The following SLAMF1 variants were observed in gnomAD, a reference collection of about 807,000 sequenced individuals.
SLAMF1 encodes signaling lymphocytic activation molecule.
A neutral mutation model predicts 35.1 loss-of-function variants in SLAMF1; 18 were observed. The observed-to-expected ratio is 0.51, with a 90% CI of 0.35 to 0.76. The LOEUF (loss-of-function observed/expected upper bound fraction) is 0.76. SLAMF1 is among the 30% of genes least tolerant of loss of function. SLAMF1 has a pLI of 0.01. For missense variants in SLAMF1, 392 were observed against 413.0 expected (o/e 0.95, Z 0.44); for synonymous variants, 168 against 157.2 (o/e 1.07, Z -0.51).
chr1:160,641,289 GAAT>G (rs922625099), intron 1 of SLAMF1, among the ~76,000 whole-genome samples: 2 of 151,878 alleles, frequency 1.3e-5, no homozygotes, highest in African/African-American at 4.8e-5. Context: ...GAGAAAAAAA[GAAT>G]AAAAAATCCC....
intron 5 of SLAMF1, among the ~76,000 whole-genome samples, chr1:160,617,659 A>G (rs1659378566): frequency 6.6e-6 from 1 of 152,238 alleles, no homozygotes; most frequent in Non-Finnish European, 1.5e-5. Context: ...AAGTCAGGAT[A>G]GTGGTTATCT....
chr1:160,635,292 T>A (rs1660380331), intron 2 of SLAMF1, among the ~76,000 whole-genome samples: 1 of 152,148 alleles, frequency 6.6e-6, no homozygotes, highest in Non-Finnish European at 1.5e-5. Context: ...TTTTTAGTGG[T>A]GGGATTTCAT....
At chr1:160,622,923 A>T (rs2102296796) in intron 4 of SLAMF1, among the ~76,000 whole-genome samples, 1 of 152,350 alleles carries the variant, frequency 6.6e-6, no homozygotes, top group South Asian at 2.1e-4. Context: ...AGGTTTTATG[A>T]AAGGTGCAGC....
Position 160,619,656 on chromosome 1 carries a change from T to C in SLAMF1, c.864+120A>G, listed in dbSNP as rs2102284295. ...TAGGAGAACTCTTGTTCTTGACTCC[T>C]GTTCCCTACCTTCCTCTGCTCTGGA... is the stretch of plus-strand genomic sequence containing the variant. On this transcript the variant is annotated intron_variant, in intron 5 of 6. Transcript: ENST00000302035. 1.1e-5 allele frequency: 8 copies of C among 741,762 alleles called. No individual in the cohort carries two copies. The South Asian group carries it at 1.2e-4, about 11-fold the overall frequency. 45.9% of individuals were successfully genotyped at this position (741,762 alleles called of 1,614,324 possible).
rs1469131854 is a variant in SLAMF1, at chr1:160,610,534, C to A, written c.*214G>T. The A allele has an allele frequency of 1.7e-6, 1 of 584,478 alleles. No homozygotes were observed. The highest frequency in any genetic ancestry group is 2.8e-5 in the Admixed American group (1 of 35,630). The allele number at this position is 584,478 out of a possible 1,614,324, so 36.2% of individuals were successfully genotyped here. On this transcript the variant is annotated 3_prime_UTR_variant, in exon 7 of 7. Coordinates refer to ENST00000302035, the MANE Select transcript of SLAMF1 (RefSeq NM_003037.5). Reference sequence around the variant, plus strand: ...CAAGTAACGCTCTGTTCTGCGCCTGCAGCCACTGCACAGCAAGCTAAATTC... The same window carrying A: ...CAAGTAACGCTCTGTTCTGCGCCTGAAGCCACTGCACAGCAAGCTAAATTC...
At chr1:160,630,858 G>C (rs991554403) in intron 3 of SLAMF1, among the ~76,000 whole-genome samples, 3 of 152,054 alleles carry the variant, frequency 2.0e-5, no homozygotes, top group African/African-American at 7.3e-5. Flanking sequence ...TCCTCCCTCT[G>C]CCTGGAATGT....
rs1660361437 is a variant in SLAMF1, at chr1:160,634,998, C to T, written c.416-101G>A. The T allele has an allele frequency of 4.0e-6, 4 of 1,012,094 alleles. No homozygotes were observed. In the Admixed American group the frequency reaches 7.4e-5, roughly 19 times the overall value. The allele number at this position is 1,012,094 out of a possible 1,614,324, so 62.7% of individuals were successfully genotyped here. A position where few individuals can be genotyped will look rare whatever the true frequency, so the allele number is the denominator to read the frequency against. On this transcript the variant is annotated intron_variant, in intron 2 of 6. Coordinates refer to ENST00000302035, the MANE Select transcript of SLAMF1 (RefSeq NM_003037.5). The stretch of plus-strand genomic sequence containing the variant: ...CAAAGTACAGCCTAATGGCATTTTC[C>T]CTCCCCCTCAATGTGATTTATTTCT...
chr1:160,647,024 G>A lies in SLAMF1; in HGVS notation c.-79C>T. ...GATGCCAGGCAGAAGCAAGCTTCGT[G>A]TCATGCAGCAGAGGCTGTCTGATTT... On this transcript the variant is annotated 5_prime_UTR_variant, in exon 1 of 7. Transcript: ENST00000302035. 1.3e-6 allele frequency: 1 copy of A among 759,586 alleles called. No individual in the cohort carries two copies. The highest frequency in any genetic ancestry group is 2.4e-6 in the Non-Finnish European group (1 of 423,520). 47.1% of individuals were successfully genotyped at this position (759,586 alleles called of 1,614,324 possible). A position where few individuals can be genotyped will look rare whatever the true frequency, so the allele number is the denominator to read the frequency against.
chr1:160,646,408 T>G (rs1331740556), intron 1 of SLAMF1, among the ~76,000 whole-genome samples: 1 of 152,244 alleles, frequency 6.6e-6, no homozygotes, highest in East Asian at 1.9e-4. Flanking sequence ...CAATGCTTTC[T>G]GTTGACCCAT....
chr1:160,646,934 C>T lies in SLAMF1; in HGVS notation c.12G>A (p.Lys4=). ...GCACGAAGGTCAAGGAGAGGAGCCC[C>T]TTGGGATCCATCAGCCAATGAGGAG... MDP[K]GLLSLTFVLF... Residue 4 remains lysine, a synonymous_variant, in exon 1 of 7, where the codon AAG becomes AAA. Coordinates refer to ENST00000302035, the MANE Select transcript of SLAMF1 (RefSeq NM_003037.5). The T allele has an allele frequency of 6.2e-7, 1 of 1,600,560 alleles. No homozygotes were observed.
Position 160,644,908 on chromosome 1 carries a change from TAAA to T in SLAMF1, c.76+1959_76+1961del, listed in dbSNP as rs756550032. 1.3e-5 allele frequency among the ~76,000 whole-genome samples: 2 copies of T among 151,788 alleles called. 1 individual carries two copies. The highest frequency in any genetic ancestry group is 4.2e-4 in the South Asian group (2 of 4,802). On this transcript the variant is annotated intron_variant, in intron 1 of 6. Coordinates refer to ENST00000302035, the MANE Select transcript of SLAMF1 (RefSeq NM_003037.5). ...GGTGCAGAGGAACTGCATGGAGGAA[TAAA>T]AAAAACTCATTGACATAAGGTCATC...
Position 160,639,441 on chromosome 1 carries a change from G to A in SLAMF1, c.77-1912C>T, listed in dbSNP as rs143122116. ...GGGGTTTCACCATGTTGGCCAGGCT[G>A]GTTTCGAACTCCTGACCTCAAGTGA... is the stretch of plus-strand genomic sequence containing the variant. On this transcript the variant is annotated intron_variant, in intron 1 of 6. Coordinates refer to ENST00000302035, the MANE Select transcript of SLAMF1 (RefSeq NM_003037.5). Among the ~76,000 whole-genome samples, 527 of 152,186 alleles carry A rather than the reference G, an allele frequency of 3.5e-3. 9 individuals are homozygous for A. In the East Asian group the frequency reaches 0.043, roughly 12 times the overall value.
intron 1 of SLAMF1, among the ~76,000 whole-genome samples, chr1:160,644,483 C>A (rs990251878): frequency 2.0e-5 from 3 of 152,186 alleles, no homozygotes; most frequent in African/African-American, 7.2e-5. Context: ...GGCAAGTATG[C>A]AGTATATACC....
At chr1:160,621,108 A>G (rs1659587790) in intron 4 of SLAMF1, among the ~76,000 whole-genome samples, 1 of 152,218 alleles carries the variant, frequency 6.6e-6, no homozygotes, top group Non-Finnish European at 1.5e-5. Context: ...TATCCTTTGT[A>G]TACATCATGC....
chr1:160,646,942 C>A lies in SLAMF1; in HGVS notation c.4G>T (p.Asp2Tyr). 6.3e-7 allele frequency: 1 copy of A among 1,591,614 alleles called. No individual in the cohort carries two copies. The highest frequency in any genetic ancestry group is 2.2e-5 in the East Asian group (1 of 44,686). Residue 2 changes from aspartate to tyrosine, a missense_variant, in exon 1 of 7, where the codon GAT (aspartate) becomes TAT (tyrosine). Transcript: ENST00000302035. ...GTCAAGGAGAGGAGCCCCTTGGGAT[C>A]CATCAGCCAATGAGGAGAAGGAAGG... Reference protein sequence around the residue: MDPKGLLSLTFV... With the variant: MYPKGLLSLTFV...
chr1:160,624,425 C>T (rs183485550), intron 3 of SLAMF1, among the ~76,000 whole-genome samples: 2 of 152,242 alleles, frequency 1.3e-5, no homozygotes, highest in East Asian at 3.9e-4. Flanking sequence ...ATTTTTCTAT[C>T]CAAATGCTTT....
chr1:160,630,441 G>A (rs759428868), intron 3 of SLAMF1, among the ~76,000 whole-genome samples: 15 of 152,118 alleles, frequency 9.9e-5, no homozygotes, highest in Non-Finnish European at 1.9e-4. Flanking sequence ...ATTGCATTCC[G>A]TCTCATCACA....
At chr1:160,630,073 C>G (rs1660087896) in intron 3 of SLAMF1, among the ~76,000 whole-genome samples, 1 of 152,226 alleles carries the variant, frequency 6.6e-6, no homozygotes, top group Non-Finnish European at 1.5e-5. Context: ...AAAAGATCCT[C>G]TCTTCAAGAT....
chr1:160,637,147 C>A, intron 2 of SLAMF1, 44 bp downstream of exon 2: 2 of 1,364,586 alleles, frequency 1.5e-6, no homozygotes, highest in South Asian at 2.4e-5. Context: ...GTCAAAGGAG[C>A]ACCTTGGCCC....
Sources: gnomAD v4.1 joint callset for allele counts (sites outside exome capture counted in the v4.1 genomes callset) on GRCh38, gnomAD v4.1.1 for gene constraint, MANE v1.5 for transcripts, NCBI Gene and HGNC (gene_info 2026-07-23, HGNC 2026-07-21) for gene names.